ANKFN1: variants seen among roughly 807,000 people sequenced by gnomAD.
ANKFN1 encodes the protein ankyrin repeat and fibronectin type-III domain-containing protein 1.
Under a neutral mutation model 108.7 loss-of-function variants are expected in ANKFN1, and 74 were observed. That is an observed-to-expected ratio of 0.68 (90% confidence interval 0.56 to 0.83). The LOEUF (loss-of-function observed/expected upper bound fraction) is 0.83, where lower values mean the gene tolerates loss of function less well. Ranked by LOEUF, ANKFN1 falls within the 40% of genes least tolerant of loss-of-function variation. The pLI is 0.00. For synonymous variants in ANKFN1, 547 were observed against 516.2 expected (o/e 1.06, Z -0.81); for missense variants, 1,505 against 1,382.3 (o/e 1.09, Z -1.41).
chr17:56,049,001 T>G (rs1003191139), intron 4 of ANKFN1, among the ~76,000 whole-genome samples: 1 of 152,222 alleles, frequency 6.6e-6, no homozygotes, highest in South Asian at 2.1e-4. Flanking sequence ...ATCTCACAAG[T>G]GCATGTGCTT....
intron 4 of ANKFN1, among the ~76,000 whole-genome samples, chr17:56,119,445 G>A (rs746049130): frequency 3.3e-5 from 5 of 152,138 alleles, no homozygotes; most frequent in Admixed American, 6.6e-5. Context: ...ACAGCTATGT[G>A]GTAGGGTAGT....
At chr17:56,486,005 AC>A (rs1188712420) in intron 18 of ANKFN1, among the ~76,000 whole-genome samples, 1 of 152,238 alleles carries the variant, frequency 6.6e-6, no homozygotes, top group African/African-American at 2.4e-5. Flanking sequence ...ATACATAAAT[AC>A]AAAACTAGAG....
intron 4 of ANKFN1, among the ~76,000 whole-genome samples, chr17:56,083,926 A>G (rs1484578672): frequency 6.6e-6 from 1 of 151,362 alleles, no homozygotes; most frequent in East Asian, 1.9e-4. Context: ...CCAGTTGACA[A>G]AAAGAAAGGA....
rs534037028 is a variant in ANKFN1 at position 56,100,445 on chromosome 17, T to C, written c.288+54120T>C. ...TTCAGATTGTGGACAGATCAATGTA[T>C]TACACATGAAAAATGTAGCAGAGAT... On this transcript the variant is annotated intron_variant, in intron 4 of 12. Coordinates refer to the ANKFN1 transcript ENST00000635860. Among the ~76,000 whole-genome samples, 16 of 152,350 alleles carry C rather than the reference T, an allele frequency of 1.1e-4. No individual in the cohort carries two copies. The East Asian group carries it at 3.1e-3, about 29-fold the overall frequency.
At chr17:56,378,265 AGGAGAGTCTACCATT>A (rs2046996056) in intron 8 of ANKFN1, among the ~76,000 whole-genome samples, 1 of 152,124 alleles carries the variant, frequency 6.6e-6, no homozygotes, top group Non-Finnish European at 1.5e-5. Flanking sequence ...GCTTCTAAGA[AGGAGAGTCTACCATT>A]GGGACATTAA....
In ANKFN1 at chr17:56,516,259, TGTG is replaced by T. The variant is rs1162753699; in HGVS notation, c.*4991_*4993del. ...TTGATGTTTGTGATTTTTAAAAAAG[TGTG>T]TGTGTGTGTGTGTGTGTGTGCGTGT... On this transcript the variant is annotated 3_prime_UTR_variant, in exon 21 of 21. Transcript: ENST00000682825. Among the ~76,000 whole-genome samples, 1 of 119,718 alleles carries T rather than the reference TGTG, an allele frequency of 8.4e-6. No homozygotes were observed. Among genetic ancestry groups the T allele is most frequent in the Admixed American group, 7.8e-5 (1 of 12,870 alleles). The allele number at this position is 119,718 out of a possible 152,430, so 78.5% of individuals were successfully genotyped here.
chr17:56,121,008 T>C (rs1183569366), intron 4 of ANKFN1, among the ~76,000 whole-genome samples: 2 of 152,084 alleles, frequency 1.3e-5, no homozygotes, highest in Non-Finnish European at 2.9e-5. Context: ...TATATCCTAG[T>C]CTTCCTAGTT....
At chr17:56,082,697 C>T (rs890388281) in intron 4 of ANKFN1, among the ~76,000 whole-genome samples, 4 of 152,106 alleles carry the variant, frequency 2.6e-5, no homozygotes, top group African/African-American at 4.8e-5. Context: ...GTGCCTAGTC[C>T]CTGTCAAGTA....
At chr17:56,227,071 A>C (rs935572402) in intron 2 of ANKFN1, among the ~76,000 whole-genome samples, 4 of 152,162 alleles carry the variant, frequency 2.6e-5, no homozygotes, top group African/African-American at 9.7e-5. Context: ...TGAGGACACC[A>C]TGATTTGAGT....
chr17:56,288,561 C>A (rs1177648188), intron 3 of ANKFN1, among the ~76,000 whole-genome samples: 2 of 152,076 alleles, frequency 1.3e-5, no homozygotes, highest in African/African-American at 4.8e-5. Flanking sequence ...ATGATAGTAG[C>A]AGATCCCACA....
At chr17:56,113,719 T>C (rs1196928800) in intron 4 of ANKFN1, among the ~76,000 whole-genome samples, 1 of 152,170 alleles carries the variant, frequency 6.6e-6, no homozygotes, top group East Asian at 1.9e-4. Context: ...ACCATAATAA[T>C]AGTAAACACA....
chr17:56,313,051 A>C lies in ANKFN1; in HGVS notation c.54-13170A>C, dbSNP rs562680239. On this transcript the variant is annotated intron_variant, in intron 3 of 20. Transcript: ENST00000682825. The stretch of plus-strand genomic sequence containing the variant: ...GCGCCTGTAATCCCAGCTATTCAGG[A>C]GGCTGAGGTGGAGAATTGCTTGAAG... Among the ~76,000 whole-genome samples, 3 of 151,496 alleles carry C rather than the reference A, an allele frequency of 2.0e-5. No individual in the cohort carries two copies. The South Asian group carries it at 6.4e-4, about 32-fold the overall frequency.
intron 4 of ANKFN1, among the ~76,000 whole-genome samples, chr17:56,058,674 A>G (rs1904922469): frequency 6.6e-6 from 1 of 152,058 alleles, no homozygotes; most frequent in Non-Finnish European, 1.5e-5. Context: ...TATAAGTGAA[A>G]CCATACAGTG....
chr17:56,466,050 T>G (rs961662627), intron 14 of ANKFN1, among the ~76,000 whole-genome samples: 1 of 152,204 alleles, frequency 6.6e-6, no homozygotes, highest in Non-Finnish European at 1.5e-5. Flanking sequence ...TATGTACTGG[T>G]GTGCCTATGT....
At chr17:56,119,199 A>G (rs1206020168) in intron 4 of ANKFN1, among the ~76,000 whole-genome samples, 1 of 152,118 alleles carries the variant, frequency 6.6e-6, no homozygotes. Flanking sequence ...GGGGAAGGGT[A>G]AAAAAATGAT....
In ANKFN1 at chr17:56,290,134, T is replaced by C. The variant is rs145987977; in HGVS notation, c.54-36087T>C. Among the ~76,000 whole-genome samples, 1,520 of 152,266 alleles carry C rather than the reference T, an allele frequency of 1.0e-2. 14 individuals are homozygous for C. The highest frequency in any genetic ancestry group is 0.014 in the Non-Finnish European group (933 of 68,016). On this transcript the variant is annotated intron_variant, in intron 3 of 20. Transcript: ENST00000682825. Reference sequence around the variant, plus strand: ...TTTCCTCTTTCCCTTTTCTCTCCAATTCTGTTTTCCTCTGCTCATTCCTTG... The same window carrying C: ...TTTCCTCTTTCCCTTTTCTCTCCAACTCTGTTTTCCTCTGCTCATTCCTTG...
chr17:56,049,360 C>T (rs1904734311), intron 4 of ANKFN1, among the ~76,000 whole-genome samples: 1 of 151,852 alleles, frequency 6.6e-6, no homozygotes, highest in Non-Finnish European at 1.5e-5. Context: ...GGGAGCAAGA[C>T]TTTCCTACCA....
chr17:56,234,362 A>G (rs1382224078), intron 3 of ANKFN1, among the ~76,000 whole-genome samples: 1 of 150,312 alleles, frequency 6.7e-6, no homozygotes, highest in East Asian at 1.9e-4. Context: ...TTTAGCTTTT[A>G]TTTTAGGTTA....
chr17:56,065,338 T>G (rs1905043290), intron 4 of ANKFN1, among the ~76,000 whole-genome samples: 1 of 152,210 alleles, frequency 6.6e-6, no homozygotes, highest in Admixed American at 6.5e-5. Flanking sequence ...GAGTATGACT[T>G]TCTCCATATC....
Sources: allele counts gnomAD v4.1 joint callset (sites outside exome capture counted in the v4.1 genomes callset), GRCh38; gene constraint gnomAD v4.1.1; transcripts MANE v1.5; gene names NCBI Gene and HGNC (gene_info 2026-07-23, HGNC 2026-07-21).